EIF2AK2: variants seen among roughly 807,000 people sequenced by gnomAD.
EIF2AK2 encodes interferon-induced, double-stranded RNA-activated protein kinase.
In EIF2AK2, 40 loss-of-function variants were observed where a neutral mutation model predicts 70.5. The observed-to-expected ratio is 0.57, with a 90% confidence interval of 0.44 to 0.74. EIF2AK2 has a LOEUF of 0.74. Among genes scored for constraint, EIF2AK2 ranks in the 30% least tolerant of loss-of-function variants. EIF2AK2 has a pLI of 0.00. For missense variants in EIF2AK2, 555 were observed against 644.3 expected (o/e 0.86, Z 1.50); for synonymous variants, 198 against 220.9 (o/e 0.90, Z 0.92).
At chr2:37,107,812 G>A (rs1048009366) in intron 15 of EIF2AK2, among the ~76,000 whole-genome samples, 88 of 152,236 alleles carry the variant, frequency 5.8e-4, no homozygotes, top group African/African-American at 2.1e-3. Context: ...CAGAGGATAA[G>A]GTTATTGACT....
rs1673993619 is a variant in EIF2AK2, at chr2:37,107,279, T to C, written c.1650A>G (p.Thr550=). Residue 550 remains threonine (T), a synonymous_variant, in exon 17 of 17, where the codon ACA becomes ACG. Transcript: ENST00000233057. ...ATACTTTTTCAGAAGGGCTCTAACA[T>C]GTGTGTCGTTCATTTTTCTCTGGGC... ...KKSPEKNERH[T]C is the part of the protein sequence containing the mutation. 1.9e-6 allele frequency: 3 copies of C among 1,612,778 alleles called. No homozygotes were observed. The highest frequency in any genetic ancestry group is 8.5e-7 in the Non-Finnish European group (1 of 1,179,734).
chr2:37,107,749 T>C (rs1270125617), intron 15 of EIF2AK2, among the ~76,000 whole-genome samples: 1 of 152,154 alleles, frequency 6.6e-6, no homozygotes, highest in Non-Finnish European at 1.5e-5. Flanking sequence ...ATCTTTACAA[T>C]CTCCCTTCAT....
intron 5 of EIF2AK2, among the ~76,000 whole-genome samples, chr2:37,140,195 G>C (rs939599593): frequency 1.3e-5 from 2 of 152,044 alleles, no homozygotes; most frequent in African/African-American, 4.8e-5. Context: ...TAGTGTAGGG[G>C]AAGAGCAAAG....
intron 6 of EIF2AK2, among the ~76,000 whole-genome samples, chr2:37,139,314 CAA>C (rs111711091): frequency 0.094 from 6,348 of 67,204 alleles, 171 homozygotes; most frequent in African/African-American, 0.17. Flanking sequence ...GATTCCATCT[CAA>C]AAAAAAAAAA....
intron 14 of EIF2AK2, among the ~76,000 whole-genome samples, chr2:37,110,110 C>G (rs1219642168): frequency 1.3e-5 from 2 of 151,446 alleles, no homozygotes; most frequent in African/African-American, 4.9e-5. Context: ...GTCCCGCTGT[C>G]ACCAGGCTGG....
Position 37,154,514 on chromosome 2 carries a change from C to T in EIF2AK2, c.-184+2394G>A, listed in dbSNP as rs190441634. On this transcript the variant is annotated intron_variant, in intron 1 of 16. Transcript: ENST00000233057. ...ATTTGATGGGGTTGCGCATCCTCTT[C>T]GCCCTCCTCTCCCTGTCTTAGCTTG... 6.1e-3 allele frequency among the ~76,000 whole-genome samples: 930 copies of T among 152,140 alleles called. 10 individuals carry two copies. Among genetic ancestry groups the T allele is most frequent in the African/African-American group, 0.02 (829 of 41,506 alleles).
intron 14 of EIF2AK2, 117 bp from the exon 15 acceptor site, chr2:37,109,412 T>C (rs1346250675): frequency 1.2e-6 from 1 of 809,702 alleles, no homozygotes; most frequent in Non-Finnish European, 1.9e-6. Context: ...AATGTCTATT[T>C]ATTAGCAAAA....
At chr2:37,107,756 T>C (rs1674011751) in intron 15 of EIF2AK2, among the ~76,000 whole-genome samples, 1 of 152,168 alleles carries the variant, frequency 6.6e-6, no homozygotes, top group Non-Finnish European at 1.5e-5. Context: ...CAATCTCCCT[T>C]CATGCATTTT....
chr2:37,138,392 T>C lies in EIF2AK2; in HGVS notation c.594-29A>G, dbSNP rs772509340. 6.2e-6 allele frequency: 10 copies of C among 1,604,752 alleles called. No homozygotes were observed. In the South Asian group the frequency reaches 8.9e-5, roughly 14 times the overall value. ...GAAGAAAAGGGTGTAACTATTAGTTTATTAATTCTGTTTTTATCACTTATT... is the reference window on the plus strand; with the variant it reads ...GAAGAAAAGGGTGTAACTATTAGTTCATTAATTCTGTTTTTATCACTTATT... On this transcript the variant is annotated intron_variant, in intron 7 of 16. Coordinates refer to ENST00000233057, the MANE Select transcript of EIF2AK2 (RefSeq NM_001135651.3).
chr2:37,116,163 T>G (rs544455622), intron 13 of EIF2AK2, among the ~76,000 whole-genome samples: 2 of 152,222 alleles, frequency 1.3e-5, no homozygotes, highest in East Asian at 3.9e-4. Flanking sequence ...CCTCCCAAAG[T>G]GCTGAGGTTA....
intron 9 of EIF2AK2, chr2:37,136,766 G>C (rs1266623288): frequency 5.6e-6 from 2 of 356,434 alleles, no homozygotes; most frequent in Non-Finnish European, 1.0e-5. Flanking sequence ...TTACTCTAGC[G>C]ATACCCCCAA....
At chr2:37,117,558 T>C (rs1378087887) in intron 13 of EIF2AK2, among the ~76,000 whole-genome samples, 1 of 151,894 alleles carries the variant, frequency 6.6e-6, no homozygotes, top group Non-Finnish European at 1.5e-5. Context: ...ATAAAAACAA[T>C]AATGCCACAT....
chr2:37,114,642 C>T, intron 14 of EIF2AK2, 89 bp downstream of exon 14: 6 of 1,210,214 alleles, frequency 5.0e-6, no homozygotes, highest in Non-Finnish European at 6.5e-6. Flanking sequence ...TACTTCTGTA[C>T]AGTTTTAATT....
intron 4 of EIF2AK2, among the ~76,000 whole-genome samples, chr2:37,144,068 CT>C (rs1405911304): frequency 1.3e-5 from 2 of 152,118 alleles, no homozygotes; most frequent in East Asian, 3.8e-4. Flanking sequence ...TAAAAAATTA[CT>C]GTCATCTAAT....
At chr2:37,133,999 A>G (rs1004183117) in intron 10 of EIF2AK2, among the ~76,000 whole-genome samples, 4 of 152,150 alleles carry the variant, frequency 2.6e-5, no homozygotes, top group Admixed American at 6.5e-5. Context: ...TAAACCTTAC[A>G]CAACCCCTCT....
intron 1 of EIF2AK2, among the ~76,000 whole-genome samples, chr2:37,149,675 A>T (rs1558431794): frequency 6.6e-6 from 1 of 152,198 alleles, no homozygotes; most frequent in Non-Finnish European, 1.5e-5. Context: ...TTAAAATTTT[A>T]GGTAGCACAG....
In EIF2AK2 at chr2:37,138,137, G is replaced by T. The variant is rs1325501127; in HGVS notation, c.687+133C>A. ...AAAAAAAAAAAAAAAAGTCTACTGA[G>T]GTATTATCATTTAGTAAGAGTGCAT... is the stretch of plus-strand genomic sequence containing the variant. On this transcript the variant is annotated intron_variant, in intron 8 of 16. Coordinates refer to ENST00000233057, the MANE Select transcript of EIF2AK2 (RefSeq NM_001135651.3). 1.0e-5 allele frequency: 6 copies of T among 597,058 alleles called. No homozygotes were observed. In the East Asian group the frequency reaches 1.8e-4, roughly 18 times the overall value. 37.0% of individuals were successfully genotyped at this position (597,058 alleles called of 1,614,324 possible). A position where few individuals can be genotyped will look rare whatever the true frequency, so the allele number is the denominator to read the frequency against.
chr2:37,154,152 C>T (rs112353519), intron 1 of EIF2AK2, among the ~76,000 whole-genome samples: 6,615 of 152,052 alleles, frequency 0.044, 188 homozygotes, highest in African/African-American at 0.077. Flanking sequence ...CATGGAGAAA[C>T]CCCATCTCTA....
intron 14 of EIF2AK2, among the ~76,000 whole-genome samples, chr2:37,109,936 A>T (rs4648237): frequency 0.039 from 5,892 of 152,296 alleles, 162 homozygotes; most frequent in South Asian, 0.063. Flanking sequence ...CACTGACTGG[A>T]AAGGAGCTTG....
Sources: gnomAD v4.1 joint callset for allele counts (sites outside exome capture counted in the v4.1 genomes callset) on GRCh38, gnomAD v4.1.1 for gene constraint, MANE v1.5 for transcripts, NCBI Gene and HGNC (gene_info 2026-07-23, HGNC 2026-07-21) for gene names.